Variants in MSI2 observed in about 807,000 individuals in gnomAD.
MSI2 encodes the protein RNA-binding protein Musashi homolog 2.
Under a neutral mutation model 45.6 loss-of-function variants are expected in MSI2, and 17 were observed. The ratio of observed to expected loss-of-function variants is 0.37; its 90% confidence interval spans 0.26 to 0.56. MSI2 has a LOEUF of 0.56. Among genes scored for constraint, MSI2 ranks in the 20% least tolerant of loss-of-function variants. MSI2 has a pLI of 0.77. For missense variants in MSI2, 293 were observed against 444.2 expected, an observed-to-expected ratio of 0.66 and a Z score of 3.06; for synonymous variants, 156 against 158.2, an observed-to-expected ratio of 0.99 and a Z score of 0.11.
chr17:57,698,918 T>TGTGC, the MSI2 span, among the ~76,000 whole-genome samples: 1 of 149,202 alleles, frequency 6.7e-6, no homozygotes, highest in Non-Finnish European at 1.5e-5. Context: ...TGTGTGTGTG[T>TGTGC]GTGTGTGTGT....
At position 57,552,476 on chromosome 17, in the gene MSI2, C is replaced by T. The variant is rs2087330081; in HGVS notation, c.454+22752C>T. Among the ~76,000 whole-genome samples, 1 of 152,184 alleles carries T rather than the reference C, an allele frequency of 6.6e-6. No individual in the cohort carries two copies. The highest frequency in any genetic ancestry group is 6.5e-5 in the Admixed American group (1 of 15,284). The stretch of plus-strand genomic sequence containing the variant: ...TAGCCTAGGCCTGAAGTAGCAGGGC[C>T]AGACGCTAGGTGTCGCCGTCCTGGA... On this transcript the variant is annotated intron_variant, in intron 7 of 13. Transcript: ENST00000284073. This position sits in a 1 kb window ranked among gnomAD's most constrained non-coding sequence, Gnocchi z 4.3.
intron 7 of MSI2, among the ~76,000 whole-genome samples, chr17:57,580,536 G>C (rs1399922890): frequency 6.6e-6 from 1 of 152,232 alleles, no homozygotes; most frequent in Non-Finnish European, 1.5e-5. Context: ...GGTCTTGCTA[G>C]CTGCCCTGCC....
chr17:57,648,633 C>G (rs560283576), intron 10 of MSI2, among the ~76,000 whole-genome samples: 1 of 152,258 alleles, frequency 6.6e-6, no homozygotes, highest in East Asian at 1.9e-4. Context: ...TGATCATTTC[C>G]CACTCTGGGC....
At chr17:57,616,228 C>T in intron 9 of MSI2, 144 bp downstream of exon 9, 1 of 621,982 alleles carries the variant, frequency 1.6e-6, no homozygotes, top group Non-Finnish European at 2.9e-6. Context: ...GATGATAATT[C>T]CCCGTTCCAA....
intron 7 of MSI2, among the ~76,000 whole-genome samples, chr17:57,580,278 G>GC (rs1306993284): frequency 6.6e-6 from 1 of 152,178 alleles, no homozygotes; most frequent in Non-Finnish European, 1.5e-5. Context: ...AAGGGCTCCT[G>GC]CCCCCACCAA....
intron 5 of MSI2, among the ~76,000 whole-genome samples, chr17:57,333,792 G>GA (rs1567763177): frequency 2.0e-4 from 17 of 84,912 alleles, no homozygotes; most frequent in African/African-American, 1.8e-3. Flanking sequence ...AATAAGAAAG[G>GA]GAAAAAAAAA....
At chr17:57,326,694 T>C (rs1443584419) in intron 5 of MSI2, among the ~76,000 whole-genome samples, 1 of 152,264 alleles carries the variant, frequency 6.6e-6, no homozygotes, top group Non-Finnish European at 1.5e-5. Flanking sequence ...TCCGCTCATT[T>C]GATCTTAACA....
intron 7 of MSI2, among the ~76,000 whole-genome samples, chr17:57,595,904 A>T (rs567458192): frequency 6.6e-6 from 1 of 152,338 alleles, no homozygotes; most frequent in East Asian, 1.9e-4. Flanking sequence ...CAGATTAAAC[A>T]TAAAGTAGAT....
At chr17:57,650,011 A>T (rs887166497) in intron 10 of MSI2, among the ~76,000 whole-genome samples, 3 of 152,138 alleles carry the variant, frequency 2.0e-5, no homozygotes, top group Admixed American at 6.5e-5. Flanking sequence ...GTGGAGATGA[A>T]ATTCCAGCCC....
At chr17:57,507,172 TG>T (rs1252006108) in intron 6 of MSI2, among the ~76,000 whole-genome samples, 2 of 34,288 alleles carry the variant, frequency 5.8e-5, no homozygotes, top group Non-Finnish European at 1.6e-4. Flanking sequence ...TCTCTGTGTG[TG>T]TTGGGGGGGG....
Position 57,573,062 on chromosome 17 carries a change from C to T in MSI2, c.455-23806C>T, listed in dbSNP as rs2087920595. ...TGCCCCCTCGTAGAGTCCAGATGCA[C>T]ATGTCCAATGGGAAGGCGAGGGCAG... On this transcript the variant is annotated intron_variant, in intron 7 of 13. Coordinates refer to ENST00000284073, the MANE Select transcript of MSI2 (RefSeq NM_138962.4). Among the ~76,000 whole-genome samples the T allele has an allele frequency of 1.3e-5, 2 of 152,208 alleles. 1 individual carries two copies. Among genetic ancestry groups the T allele is most frequent in the South Asian group, 4.1e-4 (2 of 4,822 alleles).
At chr17:57,636,511 A>AC (rs1201195629) in intron 10 of MSI2, among the ~76,000 whole-genome samples, 18 of 152,228 alleles carry the variant, frequency 1.2e-4, no homozygotes, top group African/African-American at 4.3e-4. Context: ...AGGAGAGGCG[A>AC]GACCCCGGGG....
intron 5 of MSI2, among the ~76,000 whole-genome samples, chr17:57,377,943 T>C (rs938206226): frequency 7.2e-5 from 11 of 151,896 alleles, no homozygotes; most frequent in Admixed American, 6.6e-4. Context: ...GGCGTGGTGG[T>C]GTGCACCTGT....
intron 11 of MSI2, among the ~76,000 whole-genome samples, chr17:57,664,106 C>A (rs999492933): frequency 1.3e-5 from 2 of 152,176 alleles, no homozygotes; most frequent in African/African-American, 4.8e-5. Flanking sequence ...ACGAGGAATT[C>A]AGACTAAAGG....
rs1287650905 is a variant in MSI2, at chr17:57,681,549, A to G, written c.*2032A>G. 1.1e-5 allele frequency: 2 copies of G among 182,636 alleles called. No individual in the cohort carries two copies. 11.3% of individuals were successfully genotyped at this position (182,636 alleles called of 1,614,324 possible). On this transcript the variant is annotated 3_prime_UTR_variant, in exon 14 of 14. Coordinates refer to ENST00000284073, the MANE Select transcript of MSI2 (RefSeq NM_138962.4). ...ACATGGTAGGGCAAAAGCATCTTCA[A>G]ACTAAAGACTCCAAAATGCTAACTC...
intron 7 of MSI2, among the ~76,000 whole-genome samples, chr17:57,579,614 G>A (rs925595945): frequency 7.2e-5 from 11 of 152,300 alleles, no homozygotes; most frequent in Admixed American, 3.3e-4. Flanking sequence ...TGCTGTAAAC[G>A]CAAGGACCCT....
intron 5 of MSI2, 95 bp downstream of exon 5, chr17:57,262,287 CTGGTAT>C: frequency 7.8e-7 from 1 of 1,288,168 alleles, no homozygotes; most frequent in Admixed American, 1.7e-5. Flanking sequence ...CTGTTGAAGC[CTGGTAT>C]TCACTGTTCC....
rs1340239365 is a variant in MSI2 at position 57,424,102 on chromosome 17, T to G, written c.405+22631T>G. Among the ~76,000 whole-genome samples, 4 of 152,200 alleles carry G rather than the reference T, an allele frequency of 2.6e-5. 1 individual carries two copies. The highest frequency in any genetic ancestry group is 1.3e-4 in the Admixed American group (2 of 15,286). On this transcript the variant is annotated intron_variant, in intron 6 of 13. Coordinates refer to ENST00000284073, the MANE Select transcript of MSI2 (RefSeq NM_138962.4). ...AGGGCTGGTTCTTCTCAGAGATCCT[T>G]TGGGGCAGCATGAACCCTGAACTCT...
chr17:57,467,472 G>A (rs1364230797), intron 6 of MSI2, among the ~76,000 whole-genome samples: 1 of 152,216 alleles, frequency 6.6e-6, no homozygotes, highest in African/African-American at 2.4e-5. Flanking sequence ...ATAGATGGAT[G>A]CATGGATAGA....
Sources: gnomAD v4.1 joint callset for allele counts (sites outside exome capture counted in the v4.1 genomes callset) on GRCh38, gnomAD v4.1.1 for gene constraint, Gnocchi (gnomAD v3.1) non-coding constraint, MANE v1.5 for transcripts, NCBI Gene and HGNC (gene_info 2026-07-23, HGNC 2026-07-21) for gene names.